Variants in SIAH1 observed in about 807,000 individuals in gnomAD.
SIAH1 encodes E3 ubiquitin-protein ligase SIAH1.
A neutral mutation model predicts 20.0 loss-of-function variants in SIAH1; 2 were observed. That is an observed-to-expected ratio of 0.10 (90% CI 0.04 to 0.31). The LOEUF is 0.31. Ranked by LOEUF, SIAH1 falls within the 10% of genes least tolerant of loss-of-function variation. The pLI, the probability that SIAH1 is intolerant of heterozygous loss-of-function variation, is 1.00. For synonymous variants in SIAH1, 118 were observed against 125.3 expected (o/e 0.94, Z 0.39); for missense variants, 119 against 355.3 (o/e 0.33, Z 5.35).
intron 1 of SIAH1, among the ~76,000 whole-genome samples, chr16:48,367,162 A>T (rs1960863931): frequency 6.6e-6 from 1 of 152,246 alleles, no homozygotes; most frequent in African/African-American, 2.4e-5. Flanking sequence ...GGCCTCCCAA[A>T]GTGCTGAGCC....
intron 1 of SIAH1, among the ~76,000 whole-genome samples, chr16:48,367,412 CTACTT>C (rs1301335836): frequency 1.3e-5 from 2 of 152,212 alleles, no homozygotes; most frequent in Admixed American, 1.3e-4. Flanking sequence ...ACAGGCCCCT[CTACTT>C]AATTAAGTCA....
rs775066455 is a variant in SIAH1 at position 48,370,537 on chromosome 16, G to A, written c.-2-8107C>T. ...CACCTTACTTAAGAAAATAGATTTC[G>A]GCTGGGCGCGGTGGCTCGTGCCTGT... On this transcript the variant is annotated intron_variant, in intron 1 of 1. Coordinates refer to ENST00000394725, the MANE Select transcript of SIAH1 (RefSeq NM_003031.4). Among the ~76,000 whole-genome samples the A allele has an allele frequency of 4.0e-4, 61 of 152,092 alleles. 1 individual carries two copies. Among genetic ancestry groups the A allele is most frequent in the Non-Finnish European group, 5.6e-4 (38 of 68,022 alleles).
rs889400001 is a variant in SIAH1, at chr16:48,362,932, T to C, written c.-2-502A>G. On this transcript the variant is annotated intron_variant, in intron 1 of 1. Transcript: ENST00000394725. The surrounding 1 kb of genome is among the most constrained non-coding windows in gnomAD (Gnocchi z 4.2). ...CTGCATCCGAGGACTTCACCAGCCA[T>C]GGATTGAAAATATTCAGAAAAATTT... The C allele has an allele frequency of 1.2e-5, 2 of 166,278 alleles. No homozygotes were observed. The highest frequency in any genetic ancestry group is 4.8e-5 in the African/African-American group (2 of 41,462). 10.3% of individuals were successfully genotyped at this position (166,278 alleles called of 1,614,324 possible). A position where few individuals can be genotyped will look rare whatever the true frequency, so the allele number is the denominator to read the frequency against.
At chr16:48,379,596 C>T (rs1248350153) in intron 1 of SIAH1, among the ~76,000 whole-genome samples, 1 of 152,196 alleles carries the variant, frequency 6.6e-6, no homozygotes, top group Non-Finnish European at 1.5e-5. Flanking sequence ...ACCTATGTTC[C>T]AGAAAGAGTC....
intron 1 of SIAH1, among the ~76,000 whole-genome samples, chr16:48,373,928 G>A (rs779302564): frequency 2.6e-5 from 4 of 152,108 alleles, no homozygotes; most frequent in Non-Finnish European, 4.4e-5. Flanking sequence ...CTTTGGGCCT[G>A]TGTCTTAAAA....
chr16:48,386,899 A>G (rs962919541), upstream of SIAH1, among the ~76,000 whole-genome samples: 1 of 152,308 alleles, frequency 6.6e-6, no homozygotes, highest in Non-Finnish European at 1.5e-5. Context: ...CTAAGAGAGA[A>G]CTTGCCAACG....
intron 1 of SIAH1, chr16:48,365,937 C>G (rs1366138757): frequency 5.8e-6 from 7 of 1,212,762 alleles, no homozygotes; most frequent in Non-Finnish European, 6.1e-6. Context: ...CGGGGCTGGG[C>G]CTGCGTTGGG....
chr16:48,385,957 C>A (rs921818962), upstream of SIAH1, among the ~76,000 whole-genome samples: 1 of 152,176 alleles, frequency 6.6e-6, no homozygotes, highest in Non-Finnish European at 1.5e-5. Flanking sequence ...CAGCCTCTCC[C>A]GAGGTTGAGC....
intron 1 of SIAH1, among the ~76,000 whole-genome samples, chr16:48,379,459 GC>G (rs1961203222): frequency 1.3e-5 from 2 of 152,270 alleles, no homozygotes; most frequent in South Asian, 4.1e-4. Context: ...GGAAACACAG[GC>G]AATAAGGCTA....
intron 1 of SIAH1, among the ~76,000 whole-genome samples, chr16:48,372,087 C>T (rs531956238): frequency 6.6e-6 from 1 of 152,030 alleles, no homozygotes; most frequent in East Asian, 1.9e-4. Flanking sequence ...CTAAACTAAG[C>T]ATAAAAGAGC....
chr16:48,372,094 G>C (rs896142245), intron 1 of SIAH1, among the ~76,000 whole-genome samples: 1 of 152,086 alleles, frequency 6.6e-6, no homozygotes, highest in Non-Finnish European at 1.5e-5. Flanking sequence ...AAGCATAAAA[G>C]AGCATATTGC....
chr16:48,373,248 C>T (rs1412831279), intron 1 of SIAH1, among the ~76,000 whole-genome samples: 2 of 152,126 alleles, frequency 1.3e-5, no homozygotes, highest in African/African-American at 2.4e-5. Context: ...TTTTCATCTC[C>T]AGCCCAGATT....
intron 1 of SIAH1, among the ~76,000 whole-genome samples, chr16:48,364,421 G>A (rs1326436081): frequency 6.6e-6 from 1 of 152,116 alleles, no homozygotes; most frequent in Non-Finnish European, 1.5e-5. Context: ...TGAGGGTGAC[G>A]GAAAAAATAA....
At chr16:48,383,366 T>C (rs1397560887) in intron 1 of SIAH1, among the ~76,000 whole-genome samples, 1 of 152,224 alleles carries the variant, frequency 6.6e-6, no homozygotes, top group Non-Finnish European at 1.5e-5. Context: ...GTAATCTACT[T>C]TGAGTCTCAA....
At chr16:48,375,675 GA>G (rs371517575) in intron 1 of SIAH1, among the ~76,000 whole-genome samples, 7 of 151,638 alleles carry the variant, frequency 4.6e-5, no homozygotes, top group African/African-American at 1.7e-4. Flanking sequence ...ATTGGGGGGA[GA>G]AAAAAAGCTA....
chr16:48,367,521 A>G (rs961026737), intron 1 of SIAH1, among the ~76,000 whole-genome samples: 1 of 152,212 alleles, frequency 6.6e-6, no homozygotes, highest in African/African-American at 2.4e-5. Flanking sequence ...TTCCAGCCTC[A>G]ACTGGCTTTT....
intron 1 of SIAH1, among the ~76,000 whole-genome samples, chr16:48,373,553 C>T (rs577083119): frequency 1.3e-5 from 2 of 152,150 alleles, no homozygotes; most frequent in Non-Finnish European, 2.9e-5. Context: ...CTACCTCTAC[C>T]ACTACCATCT....
intron 1 of SIAH1, chr16:48,365,924 G>A (rs1406571585): frequency 4.1e-6 from 5 of 1,220,730 alleles, no homozygotes; most frequent in African/African-American, 3.1e-5. Flanking sequence ...TTGGAGCCTC[G>A]GCCGGGGCTG....
chr16:48,382,302 C>CT (rs1434996106), intron 1 of SIAH1, among the ~76,000 whole-genome samples: 15 of 152,002 alleles, frequency 9.9e-5, no homozygotes, highest in Non-Finnish European at 1.0e-4. Context: ...TGGGGGGAAC[C>CT]TTTGAGCCCA....
Sources: allele counts gnomAD v4.1 joint callset (sites outside exome capture counted in the v4.1 genomes callset), GRCh38; gene constraint gnomAD v4.1.1; non-coding constraint Gnocchi (gnomAD v3.1); transcripts MANE v1.5; gene names NCBI Gene and HGNC (gene_info 2026-07-23, HGNC 2026-07-21).